The following DNAAF4 variants were observed in gnomAD, a reference collection of about 807,000 sequenced individuals.
The protein encoded by DNAAF4 is dynein assembly factor 4, axonemal.
Under a neutral mutation model 51.8 loss-of-function variants are expected in DNAAF4, and 43 were observed. The observed-to-expected ratio is 0.83, with a 90% CI of 0.65 to 1.07. The LOEUF is 1.07. Among genes scored for constraint, DNAAF4 ranks in the 50% least tolerant of loss-of-function variants. The pLI, the probability that DNAAF4 is intolerant of heterozygous loss-of-function variation, is 0.00. For synonymous variants in DNAAF4, 194 were observed against 165.6 expected, an observed-to-expected ratio of 1.17 and a Z score of -1.32; for missense variants, 581 against 493.0, an observed-to-expected ratio of 1.18 and a Z score of -1.69.
chr15:55,496,632 G>A (rs1425824696), intron 3 of DNAAF4, among the ~76,000 whole-genome samples: 1 of 152,156 alleles, frequency 6.6e-6, no homozygotes, highest in African/African-American at 2.4e-5. Context: ...TTACCCTTAA[G>A]ACATGAGCCC....
intron 7 of DNAAF4, chr15:55,418,768 T>C (rs748409960): frequency 3.6e-5 from 17 of 472,234 alleles, no homozygotes; most frequent in Non-Finnish European, 6.2e-5. Flanking sequence ...AAATAAAAGG[T>C]AGAAAGTGTT....
chr15:55,465,942 G>C (rs902593362), intron 5 of DNAAF4, among the ~76,000 whole-genome samples: 3 of 152,086 alleles, frequency 2.0e-5, no homozygotes, highest in African/African-American at 4.8e-5. Context: ...GGGGACTAGG[G>C]GGGAAGGGTG....
chr15:55,455,864 AT>A (rs904566004), intron 5 of DNAAF4, among the ~76,000 whole-genome samples: 6 of 149,712 alleles, frequency 4.0e-5, no homozygotes, highest in South Asian at 4.2e-4. Context: ...ATTCATAGTT[AT>A]TTTTTTTTTC....
At chr15:55,489,808 T>G (rs1183822702) in intron 4 of DNAAF4, among the ~76,000 whole-genome samples, 1 of 151,878 alleles carries the variant, frequency 6.6e-6, no homozygotes, top group Non-Finnish European at 1.5e-5. Context: ...CACAAAAATC[T>G]TAAATAATGC....
downstream of DNAAF4, among the ~76,000 whole-genome samples, chr15:55,429,709 C>T (rs866671232): frequency 1.0e-4 from 15 of 148,536 alleles, no homozygotes; most frequent in Admixed American, 2.7e-4. Context: ...CCCATCTACT[C>T]GGGAGGCTAA....
chr15:55,462,350 A>G (rs956153552), intron 5 of DNAAF4, among the ~76,000 whole-genome samples: 6 of 151,880 alleles, frequency 4.0e-5, no homozygotes, highest in Admixed American at 1.3e-4. Flanking sequence ...ATGCCACCAC[A>G]CCCTGCTAAT....
chr15:55,504,026 G>A (rs746023957), intron 1 of DNAAF4, among the ~76,000 whole-genome samples: 3 of 152,064 alleles, frequency 2.0e-5, no homozygotes, highest in South Asian at 2.1e-4. Flanking sequence ...TTAGAAAACC[G>A]CATAGCCTCA....
At chr15:55,506,341 A>G (rs1189316975) in intron 1 of DNAAF4, among the ~76,000 whole-genome samples, 1 of 152,198 alleles carries the variant, frequency 6.6e-6, no homozygotes, top group Non-Finnish European at 1.5e-5. Context: ...AGAGATTTCT[A>G]GCAAGTTCCT....
At chr15:55,426,831 C>T (rs564931619), downstream of DNAAF4, among the ~76,000 whole-genome samples, 1 of 152,200 alleles carries the variant, frequency 6.6e-6, no homozygotes, top group Non-Finnish European at 1.5e-5. Flanking sequence ...ACTGTTTTAA[C>T]TCTTGCAAGG....
intron 4 of DNAAF4, among the ~76,000 whole-genome samples, chr15:55,469,057 G>A (rs894772193): frequency 3.8e-4 from 58 of 152,036 alleles, no homozygotes; most frequent in Admixed American, 2.6e-3. Flanking sequence ...GTGACCGGGC[G>A]CGGTGGCTCA....
At chr15:55,455,815 T>G (rs917293376) in intron 5 of DNAAF4, among the ~76,000 whole-genome samples, 1 of 152,112 alleles carries the variant, frequency 6.6e-6, no homozygotes, top group Non-Finnish European at 1.5e-5. Flanking sequence ...AGGTTTCAGA[T>G]GCAGACCAGA....
Position 55,498,314 on chromosome 15 carries a change from TA to T in DNAAF4, c.15del (p.Ser6AlafsTer35), listed in dbSNP as rs2058667899. 2 of 1,610,748 alleles carry T rather than the reference TA, an allele frequency of 1.2e-6. No individual in the cohort carries two copies. Among genetic ancestry groups the T allele is most frequent in the African/African-American group, 1.3e-5 (1 of 74,752 alleles). ...TTCGTCTGCTGCCAGCTGTAATCGC[TA>T]ACCTGAAGAGGCATTCCGGTAGCAA... MPLQ[V>X]SDYSWQQTKT... On this transcript the variant is annotated frameshift_variant, in exon 2 of 10. Coordinates refer to ENST00000321149, the MANE Select transcript of DNAAF4 (RefSeq NM_130810.4). LOFTEE classifies it high-confidence loss of function.
Position 55,423,468 on chromosome 15 carries a change from C to T in DNAAF4, c.1048-5335G>A, listed in dbSNP as rs747705053. On this transcript the variant is annotated intron_variant, in intron 7 of 7. Coordinates refer to the DNAAF4 transcript ENST00000448430. ...CTCAAGTTATCCTCCCACCTCCTCC[C>T]AAGTGCTGGGATTATAGGCATAACC... 2.0e-5 allele frequency among the ~76,000 whole-genome samples: 3 copies of T among 152,212 alleles called. No individual in the cohort carries two copies. The South Asian group carries it at 6.2e-4, about 32-fold the overall frequency.
chr15:55,479,948 T>C (rs371671663), intron 4 of DNAAF4, among the ~76,000 whole-genome samples: 3 of 152,200 alleles, frequency 2.0e-5, no homozygotes, highest in Non-Finnish European at 2.9e-5. Context: ...CTGCTGAACA[T>C]AGACCCTTAT....
chr15:55,492,266 C>A (rs2058584846), intron 3 of DNAAF4, among the ~76,000 whole-genome samples: 1 of 143,222 alleles, frequency 7.0e-6, no homozygotes, highest in Non-Finnish European at 1.5e-5. Flanking sequence ...GGGAAAAGAT[C>A]TAGCCTTTAA....
chr15:55,454,891 A>C (rs528694667), intron 5 of DNAAF4, among the ~76,000 whole-genome samples: 1 of 152,192 alleles, frequency 6.6e-6, no homozygotes, highest in African/African-American at 2.4e-5. Flanking sequence ...TTAAGCATCA[A>C]GCTAGATCCA....
At chr15:55,497,880 A>G in intron 2 of DNAAF4, 21 bp from the exon 3 acceptor site, 1 of 1,578,700 alleles carries the variant, frequency 6.3e-7, no homozygotes. Flanking sequence ...GGGTGAAAAC[A>G]GAAACTAAGT....
At chr15:55,456,329 G>C (rs371606724) in intron 5 of DNAAF4, among the ~76,000 whole-genome samples, 5 of 152,068 alleles carry the variant, frequency 3.3e-5, no homozygotes, top group Non-Finnish European at 7.4e-5. Context: ...TGATCTGCCC[G>C]CCTCAGCCTC....
intron 5 of DNAAF4, among the ~76,000 whole-genome samples, chr15:55,462,333 C>T (rs1387465246): frequency 6.6e-6 from 1 of 151,980 alleles, no homozygotes; most frequent in Non-Finnish European, 1.5e-5. Context: ...GATGGGATTA[C>T]AGGCACATGC....
Sources: gnomAD v4.1 joint callset for allele counts (sites outside exome capture counted in the v4.1 genomes callset) on GRCh38, gnomAD v4.1.1 for gene constraint, MANE v1.5 for transcripts, NCBI Gene and HGNC (gene_info 2026-07-23, HGNC 2026-07-21) for gene names.